The following KCNIP4 variants were observed in gnomAD, a reference collection of about 807,000 sequenced individuals.
KCNIP4 encodes the protein potassium voltage-gated channel interacting protein 4, also known as Kv channel-interacting protein 4.
A neutral mutation model predicts 34.0 loss-of-function variants in KCNIP4; 12 were observed. That is an observed-to-expected ratio of 0.35 (90% confidence interval 0.23 to 0.57). KCNIP4 has a LOEUF of 0.57. Ranked by LOEUF, KCNIP4 falls within the 20% of genes least tolerant of loss-of-function variation. The pLI, the probability that KCNIP4 is intolerant of heterozygous loss-of-function variation, is 0.83. For synonymous variants in KCNIP4, 124 were observed against 102.2 expected (o/e 1.21, Z -1.29); for missense variants, 238 against 311.7 (o/e 0.76, Z 1.78).
At chr4:21,441,562 G>A (rs993955155) in intron 1 of KCNIP4, among the ~76,000 whole-genome samples, 3 of 152,090 alleles carry the variant, frequency 2.0e-5, no homozygotes, top group Non-Finnish European at 4.4e-5. Context: ...AAGTCAAAAA[G>A]CACAGAATTA....
chr4:21,118,536 CTT>C (rs1749881515), intron 1 of KCNIP4, among the ~76,000 whole-genome samples: 3 of 152,224 alleles, frequency 2.0e-5, no homozygotes, highest in South Asian at 2.1e-4. Flanking sequence ...GCCTTTGAGT[CTT>C]TGCCAAAATG....
intron 1 of KCNIP4, among the ~76,000 whole-genome samples, chr4:21,322,001 A>AAAGG (rs1478224368): frequency 7.4e-6 from 1 of 135,006 alleles, no homozygotes; most frequent in African/African-American, 2.8e-5. Context: ...GAGAAGGAAA[A>AAAGG]AAGGAAGGAA....
At chr4:20,877,292 C>T (rs952477730) in intron 2 of KCNIP4, among the ~76,000 whole-genome samples, 4 of 152,184 alleles carry the variant, frequency 2.6e-5, no homozygotes, top group African/African-American at 9.6e-5. Flanking sequence ...TCGTAACTTT[C>T]GTTCTTGCTA....
At chr4:21,008,443 A>G (rs1005480970) in intron 1 of KCNIP4, among the ~76,000 whole-genome samples, 2 of 152,332 alleles carry the variant, frequency 1.3e-5, no homozygotes, top group East Asian at 1.9e-4. Context: ...TAAAAATACA[A>G]TTATTTACAA....
intron 2 of KCNIP4, among the ~76,000 whole-genome samples, chr4:20,870,778 C>T (rs946167857): frequency 6.6e-6 from 1 of 152,098 alleles, no homozygotes; most frequent in Non-Finnish European, 1.5e-5. Context: ...ATTTAATATC[C>T]TGAATGGTTT....
At chr4:21,181,941 A>G (rs1232372509) in intron 1 of KCNIP4, among the ~76,000 whole-genome samples, 1 of 152,170 alleles carries the variant, frequency 6.6e-6, no homozygotes, top group Admixed American at 6.5e-5. Context: ...AATGCCAAAC[A>G]GTCTCCAGTT....
At chr4:21,522,810 A>C (rs996178138) in intron 1 of KCNIP4, among the ~76,000 whole-genome samples, 10 of 152,160 alleles carry the variant, frequency 6.6e-5, no homozygotes, top group Admixed American at 6.6e-4. Context: ...GAATGGATTA[A>C]ATAAGTTGAT....
chr4:20,898,714 C>T (rs1432852111), intron 1 of KCNIP4, among the ~76,000 whole-genome samples: 2 of 152,118 alleles, frequency 1.3e-5, no homozygotes, highest in Non-Finnish European at 2.9e-5. Context: ...TAACTGTAAA[C>T]TGTAAGGATG....
At chr4:20,827,062 A>G (rs1183919625) in intron 3 of KCNIP4, among the ~76,000 whole-genome samples, 2 of 152,130 alleles carry the variant, frequency 1.3e-5, no homozygotes, top group South Asian at 2.1e-4. Context: ...ATTGCCTTTG[A>G]TCAACAGAAT....
At chr4:20,815,253 C>T (rs1034575632) in intron 3 of KCNIP4, among the ~76,000 whole-genome samples, 1 of 152,132 alleles carries the variant, frequency 6.6e-6, no homozygotes, top group Admixed American at 6.5e-5. Context: ...TATGTATTCA[C>T]TATTGCATTG....
At chr4:21,723,934 A>G (rs982766782) in intron 1 of KCNIP4, among the ~76,000 whole-genome samples, 1 of 152,038 alleles carries the variant, frequency 6.6e-6, no homozygotes, top group Admixed American at 6.6e-5. Flanking sequence ...AGAGCCAAGC[A>G]CATTCCTCAG....
chr4:21,189,247 C>A (rs1755459140), intron 1 of KCNIP4, among the ~76,000 whole-genome samples: 1 of 152,136 alleles, frequency 6.6e-6, no homozygotes, highest in African/African-American at 2.4e-5. Flanking sequence ...GAGGACCAGG[C>A]CTTGACTATT....
At chr4:21,166,423 G>A (rs1753628731) in intron 1 of KCNIP4, among the ~76,000 whole-genome samples, 1 of 152,184 alleles carries the variant, frequency 6.6e-6, no homozygotes, top group Admixed American at 6.5e-5. Flanking sequence ...GTATGGTGAG[G>A]AGGTGGAGTG....
chr4:21,335,159 A>G (rs1429070338), intron 1 of KCNIP4, among the ~76,000 whole-genome samples: 1 of 152,066 alleles, frequency 6.6e-6, no homozygotes, highest in Non-Finnish European at 1.5e-5. Context: ...AGTAGGAAAA[A>G]AAAATACACA....
chr4:21,242,117 T>A (rs545888685), intron 1 of KCNIP4, among the ~76,000 whole-genome samples: 29 of 142,578 alleles, frequency 2.0e-4, no homozygotes, highest in Admixed American at 3.7e-4. Flanking sequence ...TGAGCCGAGA[T>A]TGCGCCACTG....
At chr4:21,427,284 G>T (rs1399015547) in intron 1 of KCNIP4, among the ~76,000 whole-genome samples, 1 of 151,358 alleles carries the variant, frequency 6.6e-6, no homozygotes. Context: ...TATGAGCCAG[G>T]CAATGTGTTA....
Position 20,830,716 on chromosome 4 carries a change from G to A in KCNIP4, c.288+19827C>T, listed in dbSNP as rs961467372. Among the ~76,000 whole-genome samples, 8 of 152,206 alleles carry A rather than the reference G, an allele frequency of 5.3e-5. No homozygotes were observed. The East Asian group carries it at 1.5e-3, about 29-fold the overall frequency. On this transcript the variant is annotated intron_variant, in intron 3 of 8. Transcript: ENST00000382152. Reference sequence around the variant, plus strand: ...AGAAATAGATAAATCAAATTACAGGGCCTGTTTGCTTCTTGAGGGAAAGAA... The same window carrying A: ...AGAAATAGATAAATCAAATTACAGGACCTGTTTGCTTCTTGAGGGAAAGAA...
intron 1 of KCNIP4, among the ~76,000 whole-genome samples, chr4:21,645,097 G>A (rs1356536587): frequency 6.6e-6 from 1 of 152,070 alleles, no homozygotes; most frequent in African/African-American, 2.4e-5. Context: ...CAATTATTAA[G>A]TACTTGAGTG....
At position 21,948,690 on chromosome 4, in the gene KCNIP4, T is replaced by C. The variant is rs1466744670; in HGVS notation, c.-59A>G. ...AGAGTCCACCGGCCAGGGGCGTCTG[T>C]CCACGGGTCTGCACGGGAGCGCACC... On this transcript the variant is annotated 5_prime_UTR_variant, in exon 1 of 9. Transcript: ENST00000382152. The C allele has an allele frequency of 2.4e-5, 38 of 1,579,474 alleles. No individual in the cohort carries two copies. Among genetic ancestry groups the C allele is most frequent in the Non-Finnish European group, 3.2e-5 (37 of 1,160,544 alleles).
Sources: allele counts gnomAD v4.1 joint callset (sites outside exome capture counted in the v4.1 genomes callset), GRCh38; gene constraint gnomAD v4.1.1; transcripts MANE v1.5; gene names NCBI Gene and HGNC (gene_info 2026-07-23, HGNC 2026-07-21).